Variants in ZCCHC4 observed in about 807,000 individuals in gnomAD.
ZCCHC4 encodes the protein zinc finger CCHC-type containing 4, also known as rRNA N(6)-adenosine-methyltransferase ZCCHC4.
Under a neutral mutation model 67.7 loss-of-function variants are expected in ZCCHC4, and 54 were observed. The observed-to-expected ratio is 0.80, with a 90% confidence interval of 0.64 to 1.00. The LOEUF (loss-of-function observed/expected upper bound fraction) is 1.00. Among genes scored for constraint, ZCCHC4 ranks in the 50% least tolerant of loss-of-function variants. The pLI, the probability that ZCCHC4 is intolerant of heterozygous loss-of-function variation, is 0.00. For missense variants in ZCCHC4, 609 were observed against 617.0 expected, an observed-to-expected ratio of 0.99 and a Z score of 0.14; for synonymous variants, 198 against 213.5, an observed-to-expected ratio of 0.93 and a Z score of 0.63.
intron 12 of ZCCHC4, chr4:25,365,399 G>T: frequency 7.8e-7 from 1 of 1,286,988 alleles, no homozygotes. Context: ...AAAATATGAG[G>T]TAGAAAGTGG....
At chr4:25,352,893 A>T (rs1047330872) in intron 8 of ZCCHC4, among the ~76,000 whole-genome samples, 2 of 152,240 alleles carry the variant, frequency 1.3e-5, no homozygotes, top group African/African-American at 4.8e-5. Flanking sequence ...AAATTCTGAA[A>T]GAAACAGTGT....
intron 3 of ZCCHC4, among the ~76,000 whole-genome samples, chr4:25,318,191 T>C (rs1304937589): frequency 6.6e-6 from 1 of 152,210 alleles, no homozygotes; most frequent in Non-Finnish European, 1.5e-5. Context: ...TTTTGTATTC[T>C]GTCCTTAACA....
Position 25,333,302 on chromosome 4 carries a change from C to T in ZCCHC4, c.449C>T (p.Ser150Phe). 6.2e-7 allele frequency: 1 copy of T among 1,613,996 alleles called. No homozygotes were observed. The highest frequency in any genetic ancestry group is 8.5e-7 in the Non-Finnish European group (1 of 1,179,936). ...HSEHQVLGNV[S>F]ITQLRRPSQL... is the part of the protein sequence containing the mutation. ...GAGCATCAGGTTCTGGGTAATGTGTCCATTACCCAGTTAAGAAGGCCCAGT... is the reference window on the plus strand; with the variant it reads ...GAGCATCAGGTTCTGGGTAATGTGTTCATTACCCAGTTAAGAAGGCCCAGT... The change falls in exon 4 of 13, where the codon TCC (serine) becomes TTC (phenylalanine). Residue 150 changes from serine to phenylalanine, a missense_variant. Ser to Phe is a radical substitution (Grantham distance 155, BLOSUM62 -2). Transcript: ENST00000302874.
rs541900958 is a variant in ZCCHC4 at position 25,369,553 on chromosome 4, C to T, written c.*389C>T. 1 of 171,626 alleles carries T rather than the reference C, an allele frequency of 5.8e-6. No individual in the cohort carries two copies. The highest frequency in any genetic ancestry group is 1.8e-4 in the East Asian group (1 of 5,512). 10.6% of individuals were successfully genotyped at this position (171,626 alleles called of 1,614,324 possible). ...GGTTCAAGCAATTCTCCTGCCTTAG[C>T]CTCCTGAGTAGCTGGAATTATAGGC... On this transcript the variant is annotated 3_prime_UTR_variant, in exon 13 of 13. Coordinates refer to ENST00000302874, the MANE Select transcript of ZCCHC4 (RefSeq NM_024936.3).
At chr4:25,337,339 T>A (rs1243990405) in intron 5 of ZCCHC4, among the ~76,000 whole-genome samples, 1 of 152,220 alleles carries the variant, frequency 6.6e-6, no homozygotes, top group Non-Finnish European at 1.5e-5. Context: ...CCACCTCTCA[T>A]TCTGTCTTTC....
chr4:25,315,520 T>C (rs1718212973), intron 3 of ZCCHC4, 120 bp downstream of exon 3: 3 of 679,016 alleles, frequency 4.4e-6, no homozygotes, highest in Non-Finnish European at 4.4e-6. Context: ...ACATATATAA[T>C]ATAAAATTTG....
chr4:25,358,483 TAGATA>T (rs1312798725), intron 8 of ZCCHC4, among the ~76,000 whole-genome samples: 3 of 152,220 alleles, frequency 2.0e-5, no homozygotes, highest in Non-Finnish European at 4.4e-5. Flanking sequence ...TCTGTTGTAT[TAGATA>T]AAAGATTAGA....
At position 25,369,078 on chromosome 4, in the gene ZCCHC4, AC is replaced by A. The variant is rs768348002; in HGVS notation, c.1458del (p.Thr487ArgfsTer6). On this transcript the variant is annotated frameshift_variant, in exon 13 of 13. Transcript: ENST00000302874. LOFTEE classifies it high-confidence loss of function. ...QRKSNKMKME[T>X]TKGQSMNHTS... ...AAAAAGTAATAAGATGAAAATGGAG[AC>A]CACGAAAGGACAATCCATGAATCAT... 23 of 1,613,562 alleles carry A rather than the reference AC, an allele frequency of 1.4e-5. No homozygotes were observed. The highest frequency in any genetic ancestry group is 1.9e-5 in the Non-Finnish European group (23 of 1,179,916).
intron 5 of ZCCHC4, among the ~76,000 whole-genome samples, chr4:25,344,509 G>A (rs1461758319): frequency 6.6e-6 from 1 of 150,648 alleles, no homozygotes; most frequent in Admixed American, 6.6e-5. Flanking sequence ...TATACCTAAT[G>A]CTAAATGATG....
intron 3 of ZCCHC4, among the ~76,000 whole-genome samples, chr4:25,316,831 A>T (rs184967404): frequency 6.6e-6 from 1 of 151,982 alleles, no homozygotes; most frequent in Non-Finnish European, 1.5e-5. Flanking sequence ...CAATTTATCA[A>T]TTTTTTTTGT....
chr4:25,315,194 C>T, intron 2 of ZCCHC4, 124 bp from the exon 3 acceptor site: 2 of 792,358 alleles, frequency 2.5e-6, no homozygotes, highest in Non-Finnish European at 1.9e-6. Flanking sequence ...TTTGTTTTCT[C>T]CTGAAATGAA....
chr4:25,341,163 T>A (rs748990423), intron 5 of ZCCHC4, among the ~76,000 whole-genome samples: 2 of 152,210 alleles, frequency 1.3e-5, no homozygotes, highest in South Asian at 2.1e-4. Flanking sequence ...ATGCTGTATA[T>A]AAAACATACA....
At position 25,350,245 on chromosome 4, in the gene ZCCHC4, G is replaced by A. The variant is rs200635275; in HGVS notation, c.910+603G>A. On this transcript the variant is annotated intron_variant, in intron 7 of 12. Coordinates refer to ENST00000302874, the MANE Select transcript of ZCCHC4 (RefSeq NM_024936.3). ...TTAGCCGTGTACGGTCTTCAGGCAG[G>A]TACTGCTTCTTTTTTTTTTTTTTTT... is the stretch of plus-strand genomic sequence containing the variant. Among the ~76,000 whole-genome samples, 6 of 148,010 alleles carry A rather than the reference G, an allele frequency of 4.1e-5. No homozygotes were observed. In the East Asian group the frequency reaches 1.0e-3, roughly 25 times the overall value.
At position 25,369,335 on chromosome 4, in the gene ZCCHC4, G is replaced by A; in HGVS notation, c.*171G>A. The A allele has an allele frequency of 1.3e-6, 1 of 779,312 alleles. No homozygotes were observed. Among genetic ancestry groups the A allele is most frequent in the Non-Finnish European group, 2.0e-6 (1 of 503,368 alleles). 48.3% of individuals were successfully genotyped at this position (779,312 alleles called of 1,614,324 possible). A position where few individuals can be genotyped will look rare whatever the true frequency, so the allele number is the denominator to read the frequency against. ...TTACAGTCCCTTATCTGCCTCTCTG[G>A]AGACATGGGGAGTTGTTCCATCTTC... On this transcript the variant is annotated 3_prime_UTR_variant, in exon 13 of 13. Coordinates refer to ENST00000302874, the MANE Select transcript of ZCCHC4 (RefSeq NM_024936.3).
intron 5 of ZCCHC4, among the ~76,000 whole-genome samples, chr4:25,343,059 G>C (rs1389287003): frequency 6.6e-6 from 1 of 152,196 alleles, no homozygotes; most frequent in Non-Finnish European, 1.5e-5. Flanking sequence ...CAGTGCAAGA[G>C]AGAAGAAAAC....
intron 3 of ZCCHC4, among the ~76,000 whole-genome samples, chr4:25,324,014 G>GTTTTTTGTTTTTTTTTTTTTT (rs1553895907): frequency 4.9e-5 from 4 of 82,430 alleles, no homozygotes; most frequent in African/African-American, 2.1e-4. Flanking sequence ...TGTTTTTTGT[G>GTTTTTTGTTTTTTTTTTTTTT]TTTTTTTTTT....
chr4:25,367,500 A>T (rs11945521), intron 12 of ZCCHC4, among the ~76,000 whole-genome samples: 10,704 of 152,270 alleles, frequency 0.07, 422 homozygotes, highest in South Asian at 0.13. Context: ...GTACAGGCAC[A>T]CATGGCTTCA....
chr4:25,337,349 C>T (rs1448212677), intron 5 of ZCCHC4, among the ~76,000 whole-genome samples: 8 of 152,228 alleles, frequency 5.3e-5, no homozygotes, highest in Admixed American at 5.2e-4. Context: ...TTCTGTCTTT[C>T]TCTGTGTATT....
chr4:25,315,458 C>T, intron 3 of ZCCHC4, 58 bp downstream of exon 3: 5 of 1,314,542 alleles, frequency 3.8e-6, no homozygotes, highest in South Asian at 1.6e-5. Flanking sequence ...TTTGTTATTG[C>T]CTTTTTCTGT....
Sources: gnomAD v4.1 joint callset for allele counts (sites outside exome capture counted in the v4.1 genomes callset) on GRCh38, gnomAD v4.1.1 for gene constraint, MANE v1.5 for transcripts, NCBI Gene and HGNC (gene_info 2026-07-23, HGNC 2026-07-21) for gene names.